APC: variants seen among roughly 807,000 people sequenced by gnomAD.
The protein encoded by APC is adenomatous polyposis coli protein.
A neutral mutation model predicts 247.0 loss-of-function variants in APC; 72 were observed. The ratio of observed to expected loss-of-function variants is 0.29; its 90% CI spans 0.24 to 0.35. The LOEUF (loss-of-function observed/expected upper bound fraction) is 0.35, where lower values mean the gene tolerates loss of function less well. Ranked by LOEUF, APC falls within the 10% of genes least tolerant of loss-of-function variation. The probability of loss-of-function intolerance (pLI) is 1.00; values close to 1 mark genes in which losing one functional copy is unlikely to be tolerated. For missense variants in APC, 3,400 were observed against 3,360.7 expected (o/e 1.01, Z -0.29); for synonymous variants, 1,254 against 1,162.5 (o/e 1.08, Z -1.60).
rs1374041406 is a variant in APC at position 112,801,211 on chromosome 5, A to G, written c.730-68A>G. 2.2e-6 allele frequency: 3 copies of G among 1,345,840 alleles called. No homozygotes were observed. The African/African-American group carries it at 4.3e-5, about 19-fold the overall frequency. 83.4% of individuals were successfully genotyped at this position (1,345,840 alleles called of 1,614,324 possible). A position where few individuals can be genotyped will look rare whatever the true frequency, so the allele number is the denominator to read the frequency against. ...TTCAGAGCTTTAAAGCAAAAAAAGA[A>G]AAAAAGCCTTGGGCTAAGAAAGCCT... On this transcript the variant is annotated intron_variant, in intron 7 of 15. Transcript: ENST00000257430.
At chr5:112,821,721 T>C (rs560286063) in intron 10 of APC, among the ~76,000 whole-genome samples, 175 bp from the exon 11 acceptor site, 1 of 152,240 alleles carries the variant, frequency 6.6e-6, no homozygotes, top group East Asian at 1.9e-4. Flanking sequence ...TTTATTCCTA[T>C]TTTTTGTTCC....
chr5:112,825,622 C>T (rs534849632), intron 11 of APC, among the ~76,000 whole-genome samples: 1 of 152,288 alleles, frequency 6.6e-6, no homozygotes, highest in African/African-American at 2.4e-5. Flanking sequence ...GAGGCCGAGG[C>T]AGGAGAATCA....
Position 112,837,186 on chromosome 5 carries a change from A to G in APC, c.1959-367A>G, listed in dbSNP as rs144653614. Among the ~76,000 whole-genome samples, 536 of 152,350 alleles carry G rather than the reference A, an allele frequency of 3.5e-3. 4 individuals carry two copies. Among genetic ancestry groups the G allele is most frequent in the African/African-American group, 0.012 (513 of 41,578 alleles). ...CAATATCAGAGTGGCACCCAACCATAGATTAAATTACCACAAAGTTCCTAT... is the reference window on the plus strand; with the variant it reads ...CAATATCAGAGTGGCACCCAACCATGGATTAAATTACCACAAAGTTCCTAT... On this transcript the variant is annotated intron_variant, in intron 15 of 15. Coordinates refer to ENST00000257430, the MANE Select transcript of APC (RefSeq NM_000038.6).
rs587779808 is a variant in APC, at chr5:112,843,698, G to A, written c.8104G>A (p.Ala2702Thr). The A allele has an allele frequency of 5.0e-6, 8 of 1,613,996 alleles. No homozygotes were observed. Among genetic ancestry groups the A allele is most frequent in the Non-Finnish European group, 6.8e-6 (8 of 1,179,928 alleles). The change falls in exon 16 of 16, where the codon GCA becomes ACA. Residue 2702 changes from alanine (A) to threonine (T), a missense_variant. Ala to Thr is a moderately conservative substitution (Grantham distance 58, BLOSUM62 0). Transcript: ENST00000257430. This position sits in a 1 kb window ranked among gnomAD's most constrained non-coding sequence, Gnocchi z 4.8. ...PNIKDSKDNQ[A>T]KQNVGNGSVP... The stretch of plus-strand genomic sequence containing the variant: ...CATTAAAGATTCAAAAGATAATCAG[G>A]CAAAACAAAATGTGGGTAATGGCAG...
chr5:112,709,152 G>C (rs1401056395), intron 1 of APC, among the ~76,000 whole-genome samples: 3 of 152,164 alleles, frequency 2.0e-5, no homozygotes, highest in Non-Finnish European at 4.4e-5. Context: ...TTGAAGTTAT[G>C]CTAGATGTTC....
At chr5:112,797,607 G>T (rs964532524) in intron 7 of APC, among the ~76,000 whole-genome samples, 1 of 152,172 alleles carries the variant, frequency 6.6e-6, no homozygotes, top group Non-Finnish European at 1.5e-5. Context: ...TGTTCTTCCA[G>T]ACATAGTTTA....
chr5:112,743,014 C>T (rs1238608239), intron 1 of APC, among the ~76,000 whole-genome samples: 1 of 152,118 alleles, frequency 6.6e-6, no homozygotes, highest in African/African-American at 2.4e-5. Flanking sequence ...AGATCAGACA[C>T]GGTTTTCACT....
chr5:112,832,127 T>G (rs1414691455), intron 14 of APC, among the ~76,000 whole-genome samples: 3 of 152,232 alleles, frequency 2.0e-5, no homozygotes, highest in Non-Finnish European at 4.4e-5. Context: ...TAATAACCTC[T>G]AATTATTTAT....
rs11379766 is a variant in APC, at chr5:112,769,050, C to CTTTT, written c.422+1677_422+1680dup. ...AAAGTAAATTTTTCTTTTTTTTCTT[C>CTTTT]TTTTTTTTTTTTTTTTTTTTGAGAT... is the stretch of plus-strand genomic sequence containing the variant. On this transcript the variant is annotated intron_variant, in intron 4 of 15. Coordinates refer to ENST00000257430, the MANE Select transcript of APC (RefSeq NM_000038.6). Among the ~76,000 whole-genome samples the CTTTT allele has an allele frequency of 8.5e-3, 824 of 96,780 alleles. 13 individuals carry two copies. Among genetic ancestry groups the CTTTT allele is most frequent in the East Asian group, 0.014 (44 of 3,114 alleles). The allele number at this position is 96,780 out of a possible 152,430, so 63.5% of individuals were successfully genotyped here. A position where few individuals can be genotyped will look rare whatever the true frequency, so the allele number is the denominator to read the frequency against.
intron 8 of APC, among the ~76,000 whole-genome samples, chr5:112,808,061 A>G (rs1440665189): frequency 6.6e-6 from 1 of 152,208 alleles, no homozygotes; most frequent in African/African-American, 2.4e-5. Context: ...AAGCTGAGGC[A>G]GGAGAATCAC....
intron 1 of APC, among the ~76,000 whole-genome samples, chr5:112,718,798 G>GT (rs1328943012): frequency 6.6e-6 from 1 of 152,226 alleles, no homozygotes; most frequent in Non-Finnish European, 1.5e-5. Context: ...TTCTACGAGT[G>GT]TAAGTCCAAA....
intron 4 of APC, among the ~76,000 whole-genome samples, chr5:112,769,050 C>CTT (rs11379766): frequency 0.044 from 4,241 of 96,758 alleles, 367 homozygotes; most frequent in Admixed American, 0.074. Flanking sequence ...TTTTTTTCTT[C>CTT]TTTTTTTTTT....
At chr5:112,784,620 C>G (rs1053168803) in intron 6 of APC, among the ~76,000 whole-genome samples, 8 of 152,120 alleles carry the variant, frequency 5.3e-5, no homozygotes, top group Non-Finnish European at 1.2e-4. Flanking sequence ...AGCCAAAGCA[C>G]TCCTTTCCCT....
In APC at chr5:112,815,386, T is replaced by C. The variant is rs575301087; in HGVS notation, c.835-109T>C. ...TTATAATGGTCATACTTTTATGATG[T>C]ATTTAATTGTTTATCATACAGACAC... On this transcript the variant is annotated intron_variant, in intron 8 of 15. Coordinates refer to ENST00000257430, the MANE Select transcript of APC (RefSeq NM_000038.6). 37 of 742,554 alleles carry C rather than the reference T, an allele frequency of 5.0e-5. 1 individual carries two copies. The South Asian group carries it at 5.3e-4, about 11-fold the overall frequency. The allele number at this position is 742,554 out of a possible 1,614,324, so 46.0% of individuals were successfully genotyped here.
At position 112,838,066 on chromosome 5, in the gene APC, A is replaced by T. The variant is rs746965994; in HGVS notation, c.2472A>T (p.Pro824=). ...FNTGNMTVLS[P]YLNTTVLPSS... Reference sequence around the variant, plus strand: ...CTGGCAACATGACTGTCCTTTCACCATATTTGAATACTACAGTGTTACCCA... The same window carrying T: ...CTGGCAACATGACTGTCCTTTCACCTTATTTGAATACTACAGTGTTACCCA... Residue 824 remains proline (P), a synonymous_variant, in exon 16 of 16, where the codon CCA becomes CCT. Coordinates refer to ENST00000257430, the MANE Select transcript of APC (RefSeq NM_000038.6). 3 of 1,614,200 alleles carry T rather than the reference A, an allele frequency of 1.9e-6. No homozygotes were observed. Among genetic ancestry groups the T allele is most frequent in the Admixed American group, 1.7e-5 (1 of 60,030 alleles).
In APC at chr5:112,809,991, G is replaced by A. The variant is rs149723139; in HGVS notation, c.835-5504G>A. On this transcript the variant is annotated intron_variant, in intron 8 of 15. Transcript: ENST00000257430. Reference sequence around the variant, plus strand: ...CAGCCTGGTGACAGAGCAAGACTCCGTCTCAAAAAAAAAAGTAGAAGAGAG... The same window carrying A: ...CAGCCTGGTGACAGAGCAAGACTCCATCTCAAAAAAAAAAGTAGAAGAGAG... The A allele has an allele frequency of 8.8e-4, 307 of 348,336 alleles. 2 individuals are homozygous for A. Among genetic ancestry groups the A allele is most frequent in the African/African-American group, 6.2e-3 (283 of 45,676 alleles). 21.6% of individuals were successfully genotyped at this position (348,336 alleles called of 1,614,324 possible).
chr5:112,814,662 G>A (rs186064687), intron 8 of APC, among the ~76,000 whole-genome samples: 7 of 152,160 alleles, frequency 4.6e-5, no homozygotes, highest in East Asian at 1.9e-4. Context: ...TGATCTCTCC[G>A]TGCTGTTTTT....
intron 6 of APC, among the ~76,000 whole-genome samples, 198 bp from the exon 7 acceptor site, chr5:112,792,248 A>AAAAAAAAG: frequency 6.6e-6 from 1 of 152,178 alleles, no homozygotes; most frequent in Admixed American, 6.5e-5. Context: ...TCTGTCTCGA[A>AAAAAAAAG]AAAAAAAGAA....
At chr5:112,759,737 A>G (rs1355105392) in intron 2 of APC, among the ~76,000 whole-genome samples, 4 of 152,240 alleles carry the variant, frequency 2.6e-5, no homozygotes, top group African/African-American at 9.6e-5. Flanking sequence ...TAATCTTTTA[A>G]AACTGAGCTT....
Sources: allele counts gnomAD v4.1 joint callset (sites outside exome capture counted in the v4.1 genomes callset), GRCh38; gene constraint gnomAD v4.1.1; non-coding constraint Gnocchi (gnomAD v3.1); transcripts MANE v1.5; gene names NCBI Gene and HGNC (gene_info 2026-07-23, HGNC 2026-07-21).